C11orf21: variants seen among roughly 807,000 people sequenced by gnomAD.
C11orf21 encodes uncharacterized protein C11orf21.
In C11orf21, 19 loss-of-function variants were observed where a neutral mutation model predicts 15.2. The ratio of observed to expected loss-of-function variants is 1.25; its 90% CI spans 0.87 to 1.84. C11orf21 has a LOEUF of 1.84. C11orf21 is among the 40% of genes most tolerant of loss of function. C11orf21 has a pLI of 0.00. For missense variants in C11orf21, 171 were observed against 174.4 expected (o/e 0.98, Z 0.11); for synonymous variants, 62 against 66.8 (o/e 0.93, Z 0.35).
chr11:2,299,544 C>A lies in C11orf21; in HGVS notation c.311G>T (p.Arg104Leu), dbSNP rs187379934. The A allele has an allele frequency of 1.9e-6, 3 of 1,550,576 alleles. No individual in the cohort carries two copies. Among genetic ancestry groups the A allele is most frequent in the Non-Finnish European group, 2.6e-6 (3 of 1,146,998 alleles). ...TTCTAAGTCCAAGTCCCATCCCAGC[C>A]GGATAGCCAGGGGCAACTGCCCAGG... is the stretch of plus-strand genomic sequence containing the variant. ...SLPGQLPLAIRLGWDLDLEAG... is the reference protein window; with the variant it reads ...SLPGQLPLAILLGWDLDLEAG... Residue 104 changes from arginine to leucine, a missense_variant, in exon 3 of 4, where the codon CGG (arginine) becomes CTG (leucine). By Grantham distance (102) the Arg-to-Leu change is moderately radical. Coordinates refer to ENST00000381153, the MANE Select transcript of C11orf21 (RefSeq NM_001329958.2).
At chr11:2,298,900 A>G (rs1847599738) in intron 3 of C11orf21, among the ~76,000 whole-genome samples, 1 of 149,168 alleles carries the variant, frequency 6.7e-6, no homozygotes, top group South Asian at 2.1e-4. Flanking sequence ...TTGGGGGGGG[A>G]AGCAGGGTGC....
chr11:2,302,333 CTGTCCTGCCCTTGCAGACATG>C (rs913426875), upstream of C11orf21: 109 of 1,144,208 alleles, frequency 9.5e-5, no homozygotes, highest in Admixed American at 4.7e-4. Flanking sequence ...CCTACTGTCC[CTGTCCTGCCCTTGCAGACATG>C]TGTCCTGCCC....
chr11:2,301,841 C>T lies in C11orf21; in HGVS notation c.-33G>A. ...CCCCTCTCAGCGCCGTCCTCAGTGG[C>T]CACACCAAGAACGAGGCCATGTCTT... On this transcript the variant is annotated 5_prime_UTR_variant, in exon 1 of 4. An upstream open reading frame in the 5' UTR gains an earlier in-frame stop. Transcript: ENST00000381153. The T allele has an allele frequency of 6.4e-7, 1 of 1,550,682 alleles. No homozygotes were observed. Among genetic ancestry groups the T allele is most frequent in the East Asian group, 2.4e-5 (1 of 40,898 alleles).
rs1231059919 is a variant in C11orf21 at position 2,300,502 on chromosome 11, G to A, written c.147+18C>T. On this transcript the variant is annotated intron_variant, in intron 2 of 3. Transcript: ENST00000381153. ...TGCCCCCGCTGGTGGGGCACAGTGA[G>A]GGGGGCTGTGGTCAGACCTGGTCTC... 1.5e-5 allele frequency: 23 copies of A among 1,504,772 alleles called. No homozygotes were observed. Among genetic ancestry groups the A allele is most frequent in the Admixed American group, 1.1e-4 (5 of 44,782 alleles). The allele number at this position is 1,504,772 out of a possible 1,614,324, so 93.2% of individuals were successfully genotyped here. A position where few individuals can be genotyped will look rare whatever the true frequency, so the allele number is the denominator to read the frequency against.
chr11:2,297,965 A>C (rs1847568113), intron 3 of C11orf21, 44 bp from the exon 4 acceptor site: 1 of 152,142 alleles, frequency 6.6e-6, no homozygotes, highest in Admixed American at 6.5e-5. Context: ...GGGAGCTCCT[A>C]AATGTCTCTT....
chr11:2,296,562 G>T lies in C11orf21; in HGVS notation c.*1388C>A, dbSNP rs1167469935. The stretch of plus-strand genomic sequence containing the variant: ...GCAAATGGCTGCAGGTCCCTGAGGG[G>T]AGACTGGGGAAAGAAGAATAATGTA... On this transcript the variant is annotated 3_prime_UTR_variant, in exon 4 of 4. Transcript: ENST00000381153. This position sits in a 1 kb window ranked among gnomAD's most constrained non-coding sequence, Gnocchi z 5.6. 1 of 152,276 alleles carries T rather than the reference G, an allele frequency of 6.6e-6. No homozygotes were observed. The highest frequency in any genetic ancestry group is 2.4e-5 in the African/African-American group (1 of 41,452). The allele number at this position is 152,276 out of a possible 1,614,324, so 9.4% of individuals were successfully genotyped here.
chr11:2,302,776 G>T (rs778492426), upstream of C11orf21: 4 of 1,365,590 alleles, frequency 2.9e-6, no homozygotes, highest in Non-Finnish European at 2.1e-6. Flanking sequence ...AACCCTGCCC[G>T]CTGGGGCCGA....
upstream of C11orf21, chr11:2,302,068 G>C (rs1330531364): frequency 6.7e-7 from 1 of 1,493,900 alleles, no homozygotes; most frequent in Non-Finnish European, 8.9e-7. Flanking sequence ...CCTGGGCAGT[G>C]AGCTGCGGTC....
At chr11:2,301,100 G>A (rs542606061) in intron 1 of C11orf21, 132 of 344,934 alleles carry the variant, frequency 3.8e-4, no homozygotes, top group African/African-American at 1.7e-3. Context: ...TTCTCCCTCC[G>A]CAGAGGGAGG....
intron 3 of C11orf21, among the ~76,000 whole-genome samples, chr11:2,298,149 C>T (rs553556667): frequency 2.6e-5 from 4 of 152,320 alleles, no homozygotes; most frequent in South Asian, 2.1e-4. Flanking sequence ...GAACCCGCCT[C>T]CTAAAGCCTT....
intron 1 of C11orf21, 132 bp downstream of exon 1, chr11:2,301,624 G>A: frequency 1.3e-6 from 1 of 752,358 alleles, no homozygotes; most frequent in East Asian, 2.8e-5. Context: ...AGCTGTCACA[G>A]GACATTTCAA....
chr11:2,300,863 C>A (rs1847708438), intron 1 of C11orf21: 1 of 1,156,722 alleles, frequency 8.6e-7, no homozygotes, highest in African/African-American at 1.5e-5. Flanking sequence ...TGCCCCTAGA[C>A]CTGGTACCTT....
rs2651837 is a variant in C11orf21 at position 2,296,684 on chromosome 11, G to A, written c.*1266C>T. 0.35 allele frequency: 52,888 copies of A among 152,304 alleles called. 9,516 individuals carry two copies. The highest frequency in any genetic ancestry group is 0.41 in the Non-Finnish European group (27,916 of 68,114). The allele number at this position is 152,304 out of a possible 1,614,324, so 9.4% of individuals were successfully genotyped here. On this transcript the variant is annotated 3_prime_UTR_variant, in exon 4 of 4. Transcript: ENST00000381153. The surrounding 1 kb of genome is among the most constrained non-coding windows in gnomAD (Gnocchi z 5.6). ...GAGGCCACCCATTGCTCCAGCTCCC[G>A]TGGCACCGTGAGCCACCGGCCAAGG... is the stretch of plus-strand genomic sequence containing the variant.
At position 2,299,710 on chromosome 11, in the gene C11orf21, G is replaced by T; in HGVS notation, c.148-3C>A. 1 of 1,550,920 alleles carries T rather than the reference G, an allele frequency of 6.4e-7. No homozygotes were observed. Reference sequence around the variant, plus strand: ...GGCATCATTGAGCCAGGGGCCTCCTGGTGGGTAAGGACATTGTAGAGTGAG... The same window carrying T: ...GGCATCATTGAGCCAGGGGCCTCCTTGTGGGTAAGGACATTGTAGAGTGAG... On this transcript the variant is annotated splice_region_variant and splice_polypyrimidine_tract_variant and intron_variant, in intron 2 of 3. Coordinates refer to ENST00000381153, the MANE Select transcript of C11orf21 (RefSeq NM_001329958.2).
upstream of C11orf21, chr11:2,302,362 C>A: frequency 1.1e-6 from 1 of 924,722 alleles, no homozygotes. Flanking sequence ...ATGTGTCCTG[C>A]CCTTGCAGAC....
chr11:2,301,964 C>G (rs1381769420), upstream of C11orf21: 2 of 1,493,116 alleles, frequency 1.3e-6, no homozygotes, highest in East Asian at 2.5e-5. Context: ...CTCACTGCCC[C>G]TCCCCTTCCT....
chr11:2,300,589 C>T lies in C11orf21; in HGVS notation c.78G>A (p.Leu26=). ...GGGGTTCGACGCCACTTTGAGATGA[C>T]AAGTGAGGCCACCTGGGCACAGCGC... ...RRSAVPRWPH[L]SSQSGVEPPD... The change falls in exon 2 of 4, where the codon TTG becomes TTA. Residue 26 remains leucine, a synonymous_variant. Transcript: ENST00000381153. 1 of 1,550,200 alleles carries T rather than the reference C, an allele frequency of 6.5e-7. No individual in the cohort carries two copies. Among genetic ancestry groups the T allele is most frequent in the Non-Finnish European group, 8.7e-7 (1 of 1,146,732 alleles).
At chr11:2,301,285 G>A (rs1292332601) in intron 1 of C11orf21, 9 of 197,038 alleles carry the variant, frequency 4.6e-5, no homozygotes, top group African/African-American at 1.6e-4. Flanking sequence ...GGCGAGCAGA[G>A]CCGCCTGTTA....
chr11:2,299,767 A>T, intron 2 of C11orf21, 60 bp from the exon 3 acceptor site: 5 of 1,541,614 alleles, frequency 3.2e-6, no homozygotes, highest in Non-Finnish European at 4.4e-6. Context: ...AATTCACAGG[A>T]AGGAGAGAGG....
Sources: gnomAD v4.1 joint callset for allele counts (sites outside exome capture counted in the v4.1 genomes callset) on GRCh38, gnomAD v4.1.1 for gene constraint, Gnocchi (gnomAD v3.1) non-coding constraint, MANE v1.5 for transcripts, NCBI Gene and HGNC (gene_info 2026-07-23, HGNC 2026-07-21) for gene names.